The following DNAAF1 variants were observed in gnomAD, a reference collection of about 807,000 sequenced individuals.
DNAAF1 encodes dynein assembly factor 1, axonemal.
A neutral mutation model predicts 71.1 loss-of-function variants in DNAAF1; 65 were observed. The observed-to-expected ratio is 0.91, with a 90% confidence interval of 0.75 to 1.12. The LOEUF (loss-of-function observed/expected upper bound fraction) is 1.12. DNAAF1 is among the 50% of genes most tolerant of loss of function. The pLI is 0.00. For synonymous variants in DNAAF1, 414 were observed against 354.6 expected, an observed-to-expected ratio of 1.17 and a Z score of -1.88; for missense variants, 1,178 against 899.8, an observed-to-expected ratio of 1.31 and a Z score of -3.96.
At chr16:84,169,050 A>G (rs1017732050) in intron 7 of DNAAF1, among the ~76,000 whole-genome samples, 1 of 150,388 alleles carries the variant, frequency 6.6e-6, no homozygotes, top group South Asian at 2.1e-4. Context: ...CATTATAAAC[A>G]ACACTAATGA....
At chr16:84,156,823 T>C (rs148670470) in intron 5 of DNAAF1, among the ~76,000 whole-genome samples, 55 of 139,272 alleles carry the variant, frequency 3.9e-4, no homozygotes, top group African/African-American at 1.4e-3. Flanking sequence ...TCTTTTCTTT[T>C]CTTTCCTTTC....
intron 6 of DNAAF1, among the ~76,000 whole-genome samples, chr16:84,164,010 G>A (rs1367041138): frequency 6.6e-6 from 1 of 152,066 alleles, no homozygotes; most frequent in African/African-American, 2.4e-5. Flanking sequence ...TTGCCATGTT[G>A]CCCAGGCTGG....
intron 8 of DNAAF1, among the ~76,000 whole-genome samples, chr16:84,171,100 G>T (rs2088314573): frequency 6.6e-6 from 1 of 152,118 alleles, no homozygotes; most frequent in Admixed American, 6.5e-5. Flanking sequence ...CGAGAGCAAT[G>T]GAGGGATCAG....
At chr16:84,146,279 T>G (rs897515623) in intron 1 of DNAAF1, among the ~76,000 whole-genome samples, 2 of 152,206 alleles carry the variant, frequency 1.3e-5, no homozygotes, top group African/African-American at 4.8e-5. Flanking sequence ...CCCTCCAGAC[T>G]GCATGTTGTG....
At chr16:84,147,327 C>T (rs2086961699) in intron 1 of DNAAF1, among the ~76,000 whole-genome samples, 2 of 152,192 alleles carry the variant, frequency 1.3e-5, no homozygotes, top group South Asian at 4.1e-4. Flanking sequence ...ACACGCACAG[C>T]CTTTAGTCTT....
chr16:84,174,799 T>C (rs2088565536), intron 10 of DNAAF1, 77 bp downstream of exon 10: 31 of 1,577,932 alleles, frequency 2.0e-5, no homozygotes, highest in Non-Finnish European at 2.5e-5. Context: ...GTTTCTCTCC[T>C]AAACTTGAAA....
intron 6 of DNAAF1, among the ~76,000 whole-genome samples, chr16:84,162,374 G>C (rs1234356661): frequency 6.6e-6 from 1 of 151,644 alleles, no homozygotes; most frequent in Non-Finnish European, 1.5e-5. Flanking sequence ...AGGCTGAGGT[G>C]GGTGGATCAC....
At chr16:84,175,000 C>G (rs893184857) in intron 10 of DNAAF1, among the ~76,000 whole-genome samples, 2 of 152,150 alleles carry the variant, frequency 1.3e-5, no homozygotes, top group African/African-American at 4.8e-5. Flanking sequence ...GGATTACAGG[C>G]ATGAGCCACC....
In DNAAF1 at chr16:84,164,802, A is replaced by G. The variant is rs2087886110; in HGVS notation, c.864-981A>G. 2.0e-5 allele frequency among the ~76,000 whole-genome samples: 3 copies of G among 152,238 alleles called. No individual in the cohort carries two copies. The South Asian group carries it at 6.2e-4, about 32-fold the overall frequency. On this transcript the variant is annotated intron_variant, in intron 6 of 11. Transcript: ENST00000378553. ...TACTCAGGAGCACAATTGCTGGATC[A>G]TATGGTGAGAGTATTTTTAGTCCCG...
chr16:84,176,065 A>G lies in DNAAF1; in HGVS notation c.1831A>G (p.Lys611Glu), dbSNP rs369830021. The G allele has an allele frequency of 3.1e-6, 5 of 1,614,014 alleles. No individual in the cohort carries two copies. The highest frequency in any genetic ancestry group is 4.2e-6 in the Non-Finnish European group (5 of 1,180,032). ...TCTGTCAAATATATTTGCAGTCTCT[A>G]AAGACACCTCAAAGGCGGCTCGGGT... ...DTLSNIFAVS[K>E]DTSKAARVPF... The change falls in exon 11 of 12, where the codon AAA becomes GAA. Residue 611 changes from lysine to glutamate, a missense_variant. Coordinates refer to ENST00000378553, the MANE Select transcript of DNAAF1 (RefSeq NM_178452.6).
rs1288365983 is a variant in DNAAF1, at chr16:84,154,610, C to T, written c.386C>T (p.Thr129Ile). ...FDRIENLEEY[T>I]GLRCLWLQSN... ...CGCATTGAGAACCTGGAAGAGTACACAGGGCTGCGCTGTCTCTGGCTGCAG... is the reference window on the plus strand; with the variant it reads ...CGCATTGAGAACCTGGAAGAGTACATAGGGCTGCGCTGTCTCTGGCTGCAG... Residue 129 changes from threonine (T) to isoleucine (I), a missense_variant, in exon 4 of 12, where the codon ACA (threonine) becomes ATA (isoleucine). Transcript: ENST00000378553. The T allele has an allele frequency of 6.2e-7, 1 of 1,614,030 alleles. No individual in the cohort carries two copies. The highest frequency in any genetic ancestry group is 1.3e-5 in the African/African-American group (1 of 74,916).
At position 84,177,279 on chromosome 16, in the gene DNAAF1, T is replaced by TG. The variant is rs776002684; in HGVS notation, c.2066-450_2066-449insG. 30 of 252,302 alleles carry TG rather than the reference T, an allele frequency of 1.2e-4. No individual in the cohort carries two copies. In the East Asian group the frequency reaches 2.2e-3, roughly 18 times the overall value. The allele number at this position is 252,302 out of a possible 1,614,324, so 15.6% of individuals were successfully genotyped here. A position where few individuals can be genotyped will look rare whatever the true frequency, so the allele number is the denominator to read the frequency against. Reference sequence around the variant, plus strand: ...GCCTGGAGGACGTTGAATAATTTGTTTTTGTTTGTTTTGTTTGAGACAGTC... The same window carrying TG: ...GCCTGGAGGACGTTGAATAATTTGTTGTTTGTTTGTTTTGTTTGAGACAGTC... On this transcript the variant is annotated intron_variant, in intron 11 of 11. Transcript: ENST00000378553.
In DNAAF1 at chr16:84,176,004, G is replaced by A. The variant is rs747916153; in HGVS notation, c.1770G>A (p.Thr590=). 14 of 1,613,992 alleles carry A rather than the reference G, an allele frequency of 8.7e-6. No homozygotes were observed. The highest frequency in any genetic ancestry group is 1.2e-5 in the Non-Finnish European group (14 of 1,180,000). The change falls in exon 11 of 12, where the codon ACG becomes ACA. Residue 590 remains threonine (T), a synonymous_variant. Transcript: ENST00000378553. ...SDDSDPELDY[T]SLPVLENLPT... ...ACAGTGACCCTGAACTGGACTACAC[G>A]TCACTCCCTGTGCTGGAAAACCTCC...
chr16:84,147,508 C>T (rs2086968742), intron 1 of DNAAF1, among the ~76,000 whole-genome samples: 1 of 151,812 alleles, frequency 6.6e-6, no homozygotes, highest in Non-Finnish European at 1.5e-5. Context: ...ATGTGATTTT[C>T]CTTTTTATGA....
chr16:84,177,430 G>A (rs900503364), intron 11 of DNAAF1: 5 of 376,494 alleles, frequency 1.3e-5, no homozygotes, highest in Non-Finnish European at 5.2e-6. Flanking sequence ...CACCCGTCAA[G>A]GGATTTTCCT....
chr16:84,167,244 C>T (rs2088062108), intron 7 of DNAAF1, among the ~76,000 whole-genome samples: 4 of 152,124 alleles, frequency 2.6e-5, no homozygotes, highest in Admixed American at 2.6e-4. Context: ...TGAAGTGGAG[C>T]TTAGGGAAGG....
intron 6 of DNAAF1, among the ~76,000 whole-genome samples, chr16:84,162,545 G>A (rs575686689): frequency 6.6e-6 from 1 of 151,982 alleles, no homozygotes; most frequent in Non-Finnish European, 1.5e-5. Flanking sequence ...TACTGGATGG[G>A]CATGGTGGCT....
chr16:84,153,416 T>A (rs2087272452), intron 3 of DNAAF1, among the ~76,000 whole-genome samples: 1 of 152,112 alleles, frequency 6.6e-6, no homozygotes. Flanking sequence ...AGAAATAAAA[T>A]AACCAAAATT....
At chr16:84,151,095 G>C (rs1255815208) in intron 3 of DNAAF1, among the ~76,000 whole-genome samples, 1 of 152,158 alleles carries the variant, frequency 6.6e-6, no homozygotes, top group Non-Finnish European at 1.5e-5. Flanking sequence ...ATCAATGGAA[G>C]CTCAGGTTCA....
Sources: allele counts gnomAD v4.1 joint callset (sites outside exome capture counted in the v4.1 genomes callset), GRCh38; gene constraint gnomAD v4.1.1; transcripts MANE v1.5; gene names NCBI Gene and HGNC (gene_info 2026-07-23, HGNC 2026-07-21).